Variants in ARPC5L observed in about 807,000 individuals in gnomAD.
ARPC5L encodes the protein actin-related protein 2/3 complex subunit 5-like protein.
A neutral mutation model predicts 16.9 loss-of-function variants in ARPC5L; 4 were observed. The observed-to-expected ratio is 0.24, with a 90% confidence interval of 0.12 to 0.54. The LOEUF (loss-of-function observed/expected upper bound fraction) is 0.54. Ranked by LOEUF, ARPC5L falls within the 20% of genes least tolerant of loss-of-function variation. The pLI is 0.95. For missense variants in ARPC5L, 151 were observed against 201.9 expected (o/e 0.75, Z 1.53); for synonymous variants, 78 against 82.6 (o/e 0.94, Z 0.30).
rs1414002239 is a variant in ARPC5L, at chr9:124,875,062, G to T, written c.310G>T (p.Gly104Cys). The T allele has an allele frequency of 1.2e-6, 2 of 1,614,092 alleles. No individual in the cohort carries two copies. The highest frequency in any genetic ancestry group is 1.7e-5 in the Admixed American group (1 of 60,022). Residue 104 changes from glycine to cysteine, a missense_variant, in exon 5 of 6, where the codon GGC (glycine) becomes TGC (cysteine). Physicochemically the swap from Gly to Cys is radical, Grantham distance 159. Transcript: ENST00000353214. ...GGCTGTGCAGTCACTGGACAGAAAC[G>T]GCGTTGACTTGTTAATGAAGTACAT... ...EQAVQSLDRN[G>C]VDLLMKYIYK...
chr9:124,866,515 A>G (rs898058982), intron 2 of ARPC5L, among the ~76,000 whole-genome samples: 1 of 152,136 alleles, frequency 6.6e-6, no homozygotes, highest in African/African-American at 2.4e-5. Context: ...TGAGGTCAGG[A>G]GTTCAACACT....
rs757429790 is a variant in ARPC5L at position 124,869,376 on chromosome 9, AGGCGGCGGC to A, written c.98_106del (p.Ala33_Ala35del). The A allele has an allele frequency of 1.1e-5, 17 of 1,517,906 alleles. No homozygotes were observed. Among genetic ancestry groups the A allele is most frequent in the Non-Finnish European group, 1.3e-5 (15 of 1,132,864 alleles). 94.0% of individuals were successfully genotyped at this position (1,517,906 alleles called of 1,614,324 possible). On this transcript the variant is annotated inframe_deletion, in exon 3 of 6. Transcript: ENST00000353214. Reference sequence around the variant, plus strand: ...AACAAATTTGTGGACGAGCAGGAGGAGGCGGCGGCGGCGGCGGCGGAGCCAGGCCCGGAC... The same window carrying A: ...AACAAATTTGTGGACGAGCAGGAGGAGGCGGCGGCGGAGCCAGGCCCGGAC...
chr9:124,869,927 T>C (rs2131334228), intron 3 of ARPC5L, among the ~76,000 whole-genome samples: 1 of 152,236 alleles, frequency 6.6e-6, no homozygotes, highest in Middle Eastern at 3.4e-3. Context: ...GGCGTGAAGA[T>C]AGGTGGGTGG....
Position 124,869,143 on chromosome 9 carries a change from G to T in ARPC5L, c.-148G>T. The T allele has an allele frequency of 1.0e-6, 1 of 963,846 alleles. No individual in the cohort carries two copies. Among genetic ancestry groups the T allele is most frequent in the Non-Finnish European group, 1.4e-6 (1 of 735,972 alleles). The allele number at this position is 963,846 out of a possible 1,614,324, so 59.7% of individuals were successfully genotyped here. A position where few individuals can be genotyped will look rare whatever the true frequency, so the allele number is the denominator to read the frequency against. On this transcript the variant is annotated 5_prime_UTR_variant, in exon 3 of 6. Coordinates refer to ENST00000353214, the MANE Select transcript of ARPC5L (RefSeq NM_030978.3). ...CGGCGGGTGCCGGAAGTGGGCGGGCGGCGGCGGCTGCGCGCGGAGGCGGTG... is the reference window on the plus strand; with the variant it reads ...CGGCGGGTGCCGGAAGTGGGCGGGCTGCGGCGGCTGCGCGCGGAGGCGGTG...
rs576727129 is a variant in ARPC5L at position 124,869,445 on chromosome 9, C to T, written c.149+6C>T. On this transcript the variant is annotated splice_donor_region_variant and intron_variant, in intron 3 of 5. Transcript: ENST00000353214. ...GTGGACGGGCTCCTGCGGCAATATCCTTCCCTGACGCGGCGTCCGGGCCTG... is the reference window on the plus strand; with the variant it reads ...GTGGACGGGCTCCTGCGGCAATATCTTTCCCTGACGCGGCGTCCGGGCCTG... 3.4e-6 allele frequency: 5 copies of T among 1,454,562 alleles called. No homozygotes were observed. The highest frequency in any genetic ancestry group is 1.5e-5 in the African/African-American group (1 of 67,060). The allele number at this position is 1,454,562 out of a possible 1,614,324, so 90.1% of individuals were successfully genotyped here.
At chr9:124,867,346 G>A (rs1266575516) in intron 2 of ARPC5L, among the ~76,000 whole-genome samples, 1 of 151,966 alleles carries the variant, frequency 6.6e-6, no homozygotes, top group Non-Finnish European at 1.5e-5. Context: ...TCACCATGTT[G>A]GCCAGGCTGG....
At chr9:124,867,312 T>G (rs1252326361) in intron 2 of ARPC5L, among the ~76,000 whole-genome samples, 1 of 152,026 alleles carries the variant, frequency 6.6e-6, no homozygotes, top group African/African-American at 2.4e-5. Context: ...TAGCTAATTG[T>G]TGTGTTTTTG....
chr9:124,864,792 C>T (rs963357422), intron 2 of ARPC5L, among the ~76,000 whole-genome samples: 2 of 151,514 alleles, frequency 1.3e-5, no homozygotes, highest in African/African-American at 4.8e-5. Context: ...GCATGAGCCA[C>T]GGCGCAGTGC....
rs1411968124 is a variant in ARPC5L at position 124,877,715 on chromosome 9, CCAAA to C, written c.*778_*781del. On this transcript the variant is annotated 3_prime_UTR_variant, in exon 6 of 6. Coordinates refer to ENST00000353214, the MANE Select transcript of ARPC5L (RefSeq NM_030978.3). ...CTTATTTAATTAATTTAATAAAGTG[CCAAA>C]CATTTAATAATTGATCTAGGCTTTA... The C allele has an allele frequency of 6.6e-6, 1 of 152,140 alleles. No homozygotes were observed. Among genetic ancestry groups the C allele is most frequent in the Non-Finnish European group, 1.5e-5 (1 of 68,028 alleles). 9.4% of individuals were successfully genotyped at this position (152,140 alleles called of 1,614,324 possible).
chr9:124,875,530 G>A (rs548802749), intron 5 of ARPC5L, among the ~76,000 whole-genome samples: 4 of 152,280 alleles, frequency 2.6e-5, no homozygotes, highest in Admixed American at 2.6e-4. Context: ...GCTGTTGGGG[G>A]TTCTTAGAAA....
chr9:124,863,955 T>G (rs1344400397), intron 1 of ARPC5L, 33 bp from the exon 2 acceptor site: 1 of 152,206 alleles, frequency 6.6e-6, no homozygotes, highest in Admixed American at 6.5e-5. Context: ...CAGGCTGAAA[T>G]AAAATGATGC....
At chr9:124,872,380 G>T (rs574703821) in intron 3 of ARPC5L, among the ~76,000 whole-genome samples, 67 of 152,264 alleles carry the variant, frequency 4.4e-4, no homozygotes, top group African/African-American at 1.6e-3. Flanking sequence ...CAGATCACGA[G>T]GTCAGGAGAT....
chr9:124,874,825 A>G, intron 4 of ARPC5L, 150 bp from the exon 5 acceptor site: 10 of 907,234 alleles, frequency 1.1e-5, no homozygotes, highest in Non-Finnish European at 1.7e-5. Context: ...TAAATCCACA[A>G]AAGACGTTCT....
intron 4 of ARPC5L, 31 bp from the exon 5 acceptor site, chr9:124,874,944 C>G: frequency 6.2e-7 from 1 of 1,612,676 alleles, no homozygotes; most frequent in African/African-American, 1.3e-5. Flanking sequence ...CTTCGCAGCT[C>G]TGGGACTCAC....
intron 3 of ARPC5L, among the ~76,000 whole-genome samples, chr9:124,870,686 A>G (rs1444496278): frequency 1.3e-5 from 2 of 152,052 alleles, no homozygotes; most frequent in African/African-American, 4.8e-5. Context: ...CCCAGGAGGG[A>G]AGGTTGGTTG....
Position 124,869,155 on chromosome 9 carries a change from G to C in ARPC5L, c.-136G>C. 1 of 1,040,722 alleles carries C rather than the reference G, an allele frequency of 9.6e-7. No homozygotes were observed. The highest frequency in any genetic ancestry group is 1.2e-6 in the Non-Finnish European group (1 of 804,224). 64.5% of individuals were successfully genotyped at this position (1,040,722 alleles called of 1,614,324 possible). A position where few individuals can be genotyped will look rare whatever the true frequency, so the allele number is the denominator to read the frequency against. ...GAAGTGGGCGGGCGGCGGCGGCTGC[G>C]CGCGGAGGCGGTGGAGGAGGTGCTG... On this transcript the variant is annotated 5_prime_UTR_variant, in exon 3 of 6. Transcript: ENST00000353214.
intron 2 of ARPC5L, among the ~76,000 whole-genome samples, chr9:124,867,171 T>C (rs1829281300): frequency 1.4e-5 from 2 of 147,988 alleles, no homozygotes; most frequent in Non-Finnish European, 3.0e-5. Context: ...AGATGGTATC[T>C]CACTCCATCG....
chr9:124,875,829 G>A (rs1308407307), intron 5 of ARPC5L, among the ~76,000 whole-genome samples: 1 of 152,316 alleles, frequency 6.6e-6, no homozygotes, highest in African/African-American at 2.4e-5. Context: ...TAACCTGCCT[G>A]CCTTCCTCAG....
At position 124,877,230 on chromosome 9, in the gene ARPC5L, G is replaced by A. The variant is rs1428409399; in HGVS notation, c.*290G>A. ...TGGTCAGATGCACCTGTGTGCACTG[G>A]GGGAGGGATGGTTTGGGCAGGTGCA... On this transcript the variant is annotated 3_prime_UTR_variant, in exon 6 of 6. Transcript: ENST00000353214. The A allele has an allele frequency of 5.7e-6, 2 of 353,272 alleles. No homozygotes were observed. The highest frequency in any genetic ancestry group is 4.8e-5 in the Admixed American group (1 of 20,796). The allele number at this position is 353,272 out of a possible 1,614,324, so 21.9% of individuals were successfully genotyped here.
Sources: gnomAD v4.1 joint callset for allele counts (sites outside exome capture counted in the v4.1 genomes callset) on GRCh38, gnomAD v4.1.1 for gene constraint, MANE v1.5 for transcripts, NCBI Gene and HGNC (gene_info 2026-07-23, HGNC 2026-07-21) for gene names.